Variants in MAF observed in about 807,000 individuals in gnomAD.
The protein encoded by MAF is transcription factor Maf.
MAF carries 10 observed loss-of-function variants against 22.0 expected under a neutral mutation model. The ratio of observed to expected loss-of-function variants is 0.45; its 90% CI spans 0.28 to 0.77. The LOEUF (loss-of-function observed/expected upper bound fraction) is 0.77, where lower values mean the gene tolerates loss of function less well. Among genes scored for constraint, MAF ranks in the 30% least tolerant of loss-of-function variants. The pLI, the probability that MAF is intolerant of heterozygous loss-of-function variation, is 0.12. For synonymous variants in MAF, 337 were observed against 255.8 expected, an observed-to-expected ratio of 1.32 and a Z score of -3.03; for missense variants, 544 against 548.4, an observed-to-expected ratio of 0.99 and a Z score of 0.08.
chr16:79,372,792 G>T, the MAF span, among the ~76,000 whole-genome samples: 1 of 152,114 alleles, frequency 6.6e-6, no homozygotes, highest in Non-Finnish European at 1.5e-5. Flanking sequence ...CTCCCCCACT[G>T]GCTTCTCCCA....
At chr16:79,428,849 A>AAATAATAATAATAATAAT in the MAF span, among the ~76,000 whole-genome samples, 1,079 of 146,626 alleles carry the variant, frequency 7.4e-3, 12 homozygotes, top group East Asian at 0.035. Context: ...TGTCTCAGAA[A>AAATAATAATAATAATAAT]AATAATAATA....
chr16:79,400,913 T>G, the MAF span, among the ~76,000 whole-genome samples: 147 of 152,352 alleles, frequency 9.6e-4, 3 homozygotes, highest in African/African-American at 3.3e-3. Context: ...CTGTCCAAAG[T>G]CTGAGCAGCT....
the MAF span, among the ~76,000 whole-genome samples, chr16:79,332,712 A>G: frequency 1.3e-5 from 2 of 152,256 alleles, no homozygotes; most frequent in Non-Finnish European, 2.9e-5. Context: ...CAGTACTATT[A>G]CAAGTCTCCT....
chr16:79,553,067 C>G, the MAF span, among the ~76,000 whole-genome samples: 1 of 152,168 alleles, frequency 6.6e-6, no homozygotes, highest in African/African-American at 2.4e-5. Flanking sequence ...ATTTCCTCAC[C>G]TGCAAAATGG....
the MAF span, among the ~76,000 whole-genome samples, chr16:79,337,728 C>T: frequency 8.5e-5 from 13 of 152,160 alleles, no homozygotes; most frequent in Admixed American, 7.9e-4. Context: ...CACAAGCACA[C>T]GTGTGCACCT....
the MAF span, among the ~76,000 whole-genome samples, chr16:79,284,901 C>A: frequency 6.6e-6 from 1 of 152,122 alleles, no homozygotes; most frequent in Non-Finnish European, 1.5e-5. Context: ...ATCAGCTCTC[C>A]CCCCAGCCAA....
At chr16:79,575,396 C>G in the MAF span, among the ~76,000 whole-genome samples, 2 of 152,106 alleles carry the variant, frequency 1.3e-5, no homozygotes, top group Non-Finnish European at 1.5e-5. Context: ...TCCTATAACC[C>G]CATTTTCAGA....
At chr16:79,459,373 T>C in the MAF span, among the ~76,000 whole-genome samples, 2 of 152,214 alleles carry the variant, frequency 1.3e-5, no homozygotes, top group Non-Finnish European at 2.9e-5. Flanking sequence ...ACATTAAAAA[T>C]GCTGCCCTTG....
At chr16:79,426,425 T>C in the MAF span, among the ~76,000 whole-genome samples, 1 of 152,216 alleles carries the variant, frequency 6.6e-6, no homozygotes, top group African/African-American at 2.4e-5. Flanking sequence ...ATATAGCTAA[T>C]AGAACTGTGA....
chr16:79,214,690 C>T, the MAF span, among the ~76,000 whole-genome samples: 2 of 147,212 alleles, frequency 1.4e-5, no homozygotes, highest in Non-Finnish European at 3.0e-5. Flanking sequence ...CAGGTGTGAG[C>T]CACTGTGCCT....
chr16:79,459,771 C>G, the MAF span, among the ~76,000 whole-genome samples: 1 of 152,014 alleles, frequency 6.6e-6, no homozygotes, highest in African/African-American at 2.4e-5. Context: ...GCCATGTTGC[C>G]CAGGTTGGTC....
chr16:79,450,956 C>A, the MAF span, among the ~76,000 whole-genome samples: 2 of 151,574 alleles, frequency 1.3e-5, no homozygotes, highest in Non-Finnish European at 2.9e-5. Flanking sequence ...CCTTTTTTCA[C>A]GGTAATGTTC....
At chr16:79,529,206 G>A in the MAF span, among the ~76,000 whole-genome samples, 330 of 152,190 alleles carry the variant, frequency 2.2e-3, 2 homozygotes, top group Middle Eastern at 0.01. Flanking sequence ...AACTCCAGCT[G>A]GTCTCTCACT....
At chr16:79,451,829 A>T in the MAF span, among the ~76,000 whole-genome samples, 1 of 152,218 alleles carries the variant, frequency 6.6e-6, no homozygotes, top group Non-Finnish European at 1.5e-5. Flanking sequence ...TGCCTAACTA[A>T]ACATGTATCT....
At chr16:79,423,511 T>A in the MAF span, among the ~76,000 whole-genome samples, 52 of 152,216 alleles carry the variant, frequency 3.4e-4, no homozygotes, top group Middle Eastern at 3.4e-3. Context: ...ACCCCAGGAG[T>A]TGGTGAACTA....
the MAF span, among the ~76,000 whole-genome samples, chr16:79,423,766 T>A: frequency 6.6e-5 from 10 of 152,308 alleles, no homozygotes; most frequent in South Asian, 2.1e-3. Flanking sequence ...AACCAGCAAC[T>A]TAACTGTATT....
chr16:79,230,615 T>C, the MAF span, among the ~76,000 whole-genome samples: 1 of 152,116 alleles, frequency 6.6e-6, no homozygotes, highest in Non-Finnish European at 1.5e-5. Flanking sequence ...GTCTGCAAAG[T>C]TGACCTGAAA....
At chr16:79,552,993 T>C in the MAF span, among the ~76,000 whole-genome samples, 18 of 152,336 alleles carry the variant, frequency 1.2e-4, no homozygotes, top group African/African-American at 4.3e-4. Context: ...TGAAAAAACA[T>C]GGAACTTTGG....
the MAF span, among the ~76,000 whole-genome samples, chr16:79,434,249 G>C: frequency 1.3e-5 from 2 of 152,162 alleles, no homozygotes; most frequent in Non-Finnish European, 2.9e-5. Context: ...ATGTATGTTT[G>C]GTGACTAACC....
Sources: allele counts gnomAD v4.1 joint callset (sites outside exome capture counted in the v4.1 genomes callset), GRCh38; gene constraint gnomAD v4.1.1; transcripts MANE v1.5; gene names NCBI Gene and HGNC (gene_info 2026-07-23, HGNC 2026-07-21).